The following SLC5A1 variants were observed in gnomAD, a reference collection of about 807,000 sequenced individuals.
The protein encoded by SLC5A1 is sodium/glucose cotransporter 1.
SLC5A1 carries 42 observed loss-of-function variants against 73.5 expected under a neutral mutation model. The ratio of observed to expected loss-of-function variants is 0.57; its 90% confidence interval spans 0.45 to 0.74. The LOEUF is 0.74. Ranked by LOEUF, SLC5A1 falls within the 30% of genes least tolerant of loss-of-function variation. SLC5A1 has a pLI of 0.00. For missense variants in SLC5A1, 634 were observed against 855.4 expected (o/e 0.74, Z 3.23); for synonymous variants, 300 against 317.4 (o/e 0.95, Z 0.58).
At chr22:32,086,486 G>A (rs2094008603) in intron 10 of SLC5A1, among the ~76,000 whole-genome samples, 159 bp downstream of exon 10, 1 of 152,130 alleles carries the variant, frequency 6.6e-6, no homozygotes, top group African/African-American at 2.4e-5. Context: ...TTTTGGACAT[G>A]TCCTCTCTCA....
chr22:32,053,021 T>C (rs1307776994), intron 2 of SLC5A1, among the ~76,000 whole-genome samples: 1 of 152,196 alleles, frequency 6.6e-6, no homozygotes, highest in Non-Finnish European at 1.5e-5. Context: ...ATTGTTGTTG[T>C]TTAGGCTCAT....
At chr22:32,071,785 T>C (rs1012263371) in intron 5 of SLC5A1, among the ~76,000 whole-genome samples, 1 of 152,186 alleles carries the variant, frequency 6.6e-6, no homozygotes, top group African/African-American at 2.4e-5. Context: ...TGGATCTGAA[T>C]TGAGCCATCT....
chr22:32,064,415 G>A (rs532148505), intron 2 of SLC5A1, among the ~76,000 whole-genome samples: 1 of 151,892 alleles, frequency 6.6e-6, no homozygotes, highest in African/African-American at 2.4e-5. Context: ...AGGATCACTT[G>A]AGCCTGGGAG....
intron 1 of SLC5A1, 107 bp from the exon 2 acceptor site, chr22:32,049,836 A>G: frequency 1.1e-6 from 1 of 878,446 alleles, no homozygotes; most frequent in Non-Finnish European, 1.9e-6. Context: ...AGTGTTTCAG[A>G]AAGTGGAGTG....
rs199573966 is a variant in SLC5A1 at position 32,091,723 on chromosome 22, G to A, written c.1241G>A (p.Arg414His). 3.8e-5 allele frequency: 62 copies of A among 1,613,826 alleles called. No individual in the cohort carries two copies. Among genetic ancestry groups the A allele is most frequent in the Admixed American group, 5.0e-5 (3 of 59,988 alleles). ...ACCATGGACATCTACGCCAAGGTCCGCAAGAGAGCATCTGAGAAAGAGCTC... is the reference window on the plus strand; with the variant it reads ...ACCATGGACATCTACGCCAAGGTCCACAAGAGAGCATCTGAGAAAGAGCTC... ...LFTMDIYAKV[R>H]KRASEKELMI... The change falls in exon 11 of 15, where the codon CGC (arginine) becomes CAC (histidine). Residue 414 changes from arginine to histidine, a missense_variant. Physicochemically the swap from Arg to His is conservative, Grantham distance 29. Coordinates refer to ENST00000266088, the MANE Select transcript of SLC5A1 (RefSeq NM_000343.4).
chr22:32,058,345 G>C (rs1400565435), intron 2 of SLC5A1, among the ~76,000 whole-genome samples: 4 of 152,322 alleles, frequency 2.6e-5, no homozygotes, highest in Admixed American at 1.3e-4. Flanking sequence ...AATATAGCGA[G>C]ATCCCATCTC....
chr22:32,054,256 T>C (rs1043795014), intron 2 of SLC5A1, among the ~76,000 whole-genome samples: 4 of 152,238 alleles, frequency 2.6e-5, no homozygotes, highest in South Asian at 2.1e-4. Flanking sequence ...ATTTATGTAG[T>C]AGTATTCTCT....
rs199932081 is a variant in SLC5A1, at chr22:32,043,439, C to A, written c.135+23C>A. The A allele has an allele frequency of 6.2e-7, 1 of 1,612,118 alleles. No individual in the cohort carries two copies. The highest frequency in any genetic ancestry group is 1.1e-5 in the South Asian group (1 of 90,752). On this transcript the variant is annotated intron_variant, in intron 1 of 14. Transcript: ENST00000266088. This position sits in a 1 kb window ranked among gnomAD's most constrained non-coding sequence, Gnocchi z 6.5. Reference sequence around the variant, plus strand: ...TGGGTATGCAGCGGGTTCTGGGATGCGGGTGGGGAGGGTGCGCACAGAGGA... The same window carrying A: ...TGGGTATGCAGCGGGTTCTGGGATGAGGGTGGGGAGGGTGCGCACAGAGGA...
intron 10 of SLC5A1, among the ~76,000 whole-genome samples, chr22:32,087,300 A>G (rs2094009860): frequency 6.6e-6 from 1 of 152,360 alleles, no homozygotes; most frequent in East Asian, 1.9e-4. Context: ...TTTGCTAATT[A>G]GCTCAATTGA....
At chr22:32,053,414 C>T (rs2149484134) in intron 2 of SLC5A1, among the ~76,000 whole-genome samples, 1 of 151,598 alleles carries the variant, frequency 6.6e-6, no homozygotes, top group African/African-American at 2.4e-5. Flanking sequence ...TTTCCTCTTT[C>T]TCTCCCCTTC....
At chr22:32,059,026 TACTC>T (rs772865062) in intron 2 of SLC5A1, 84 of 780,322 alleles carry the variant, frequency 1.1e-4, no homozygotes, top group East Asian at 1.3e-4. Context: ...TGATATCACT[TACTC>T]ACTCAGCAGA....
At chr22:32,044,745 A>C (rs2093934896) in intron 1 of SLC5A1, among the ~76,000 whole-genome samples, 1 of 152,158 alleles carries the variant, frequency 6.6e-6, no homozygotes. Flanking sequence ...ACTCAACTTT[A>C]ACATAGGTAC....
At chr22:32,071,622 A>G (rs2093982991) in intron 5 of SLC5A1, among the ~76,000 whole-genome samples, 1 of 152,048 alleles carries the variant, frequency 6.6e-6, no homozygotes, top group Admixed American at 6.6e-5. Flanking sequence ...CAGCAGTTGC[A>G]AAGTGCTCAT....
In SLC5A1 at chr22:32,104,885, G is replaced by T. The variant is rs199727071; in HGVS notation, c.1765G>T (p.Glu589Ter). Residue 589 changes from glutamate to a stop codon, truncating the protein, a stop_gained, in exon 14 of 15, where the codon GAA (glutamate) becomes TAA (stop). Transcript: ENST00000266088. LOFTEE classifies it high-confidence loss of function. ...NIQEGPKETI[E>*]IETQVPEKKK... ...CCAAGAAGGCCCTAAGGAGACCATT[G>T]AAATAGGTGACTTATGACCCAGAGC... The T allele has an allele frequency of 3.1e-6, 5 of 1,608,754 alleles. No homozygotes were observed. The Admixed American group carries it at 8.3e-5, about 27-fold the overall frequency.
chr22:32,060,068 T>C (rs139281054), intron 2 of SLC5A1, among the ~76,000 whole-genome samples: 2,667 of 134,300 alleles, frequency 0.02, 81 homozygotes, highest in African/African-American at 0.064. Context: ...TACACACACA[T>C]ATATATATAC....
chr22:32,092,819 A>G (rs911302332), intron 11 of SLC5A1, among the ~76,000 whole-genome samples: 2 of 151,936 alleles, frequency 1.3e-5, no homozygotes, highest in African/African-American at 4.8e-5. Flanking sequence ...AGTCCCACCT[A>G]TTTATCTTTG....
At chr22:32,082,056 T>C in intron 6 of SLC5A1, 85 bp downstream of exon 6, 1 of 901,496 alleles carries the variant, frequency 1.1e-6, no homozygotes. Flanking sequence ...GGAGAGGTGG[T>C]TTCTCTTCTT....
rs201091045 is a variant in SLC5A1 at position 32,110,361 on chromosome 22, A to G, written c.*148A>G. 43 of 704,098 alleles carry G rather than the reference A, an allele frequency of 6.1e-5. 1 individual carries two copies. The South Asian group carries it at 6.5e-4, about 11-fold the overall frequency. The allele number at this position is 704,098 out of a possible 1,614,324, so 43.6% of individuals were successfully genotyped here. On this transcript the variant is annotated 3_prime_UTR_variant, in exon 15 of 15. Transcript: ENST00000266088. Reference sequence around the variant, plus strand: ...CATGTGTAATTATAGGCTAGCTGGAAGAAAACCATTAGTTTGCTGTTAATT... The same window carrying G: ...CATGTGTAATTATAGGCTAGCTGGAGGAAAACCATTAGTTTGCTGTTAATT...
Position 32,102,213 on chromosome 22 carries a change from C to T in SLC5A1, c.1641C>T (p.Leu547=). The change falls in exon 13 of 15, where the codon CTC becomes CTT. Residue 547 remains leucine, a synonymous_variant. Transcript: ENST00000266088. ...SFITIVVISL[L]TKPIPDVHLY... The stretch of plus-strand genomic sequence containing the variant: ...TCACCATCGTGGTCATCTCCCTCCT[C>T]ACCAAACCCATTCCGGATGTGCATG... 6.2e-7 allele frequency: 1 copy of T among 1,613,936 alleles called. No homozygotes were observed. Among genetic ancestry groups the T allele is most frequent in the Non-Finnish European group, 8.5e-7 (1 of 1,179,822 alleles).
Sources: gnomAD v4.1 joint callset for allele counts (sites outside exome capture counted in the v4.1 genomes callset) on GRCh38, gnomAD v4.1.1 for gene constraint, Gnocchi (gnomAD v3.1) non-coding constraint, MANE v1.5 for transcripts, NCBI Gene and HGNC (gene_info 2026-07-23, HGNC 2026-07-21) for gene names.